OTULIN: variants seen among roughly 807,000 people sequenced by gnomAD.
The protein encoded by OTULIN is ubiquitin thioesterase otulin.
Under a neutral mutation model 39.6 loss-of-function variants are expected in OTULIN, and 15 were observed. The ratio of observed to expected loss-of-function variants is 0.38; its 90% CI spans 0.25 to 0.58. The LOEUF is 0.58. Among genes scored for constraint, OTULIN ranks in the 20% least tolerant of loss-of-function variants. The pLI is 0.66. For missense variants in OTULIN, 319 were observed against 445.9 expected (o/e 0.72, Z 2.56); for synonymous variants, 156 against 170.3 (o/e 0.92, Z 0.65).
chr5:14,664,879 C>A lies in OTULIN; in HGVS notation c.54C>A (p.Ala18=). The change falls in exon 1 of 7, where the codon GCC becomes GCA. Residue 18 remains alanine (A), a synonymous_variant. Transcript: ENST00000284274. ...AAGCGTGGCCAGGCGCGAGCTGCGCCGAGACGCCGGCGCGGGAGGCGGCGG... is the reference window on the plus strand; with the variant it reads ...AAGCGTGGCCAGGCGCGAGCTGCGCAGAGACGCCGGCGCGGGAGGCGGCGG... ...QPEAWPGASC[A]ETPAREAAAT... The A allele has an allele frequency of 8.4e-7, 1 of 1,194,062 alleles. No individual in the cohort carries two copies. The highest frequency in any genetic ancestry group is 1.0e-6 in the Non-Finnish European group (1 of 964,080). 74.0% of individuals were successfully genotyped at this position (1,194,062 alleles called of 1,614,324 possible).
rs759522203 is a variant in OTULIN, at chr5:14,670,300, C to T, written c.153-3342C>T. Among the ~76,000 whole-genome samples the T allele has an allele frequency of 9.2e-5, 14 of 152,324 alleles. No individual in the cohort carries two copies. The South Asian group carries it at 1.7e-3, about 18-fold the overall frequency. On this transcript the variant is annotated intron_variant, in intron 1 of 6. Coordinates refer to ENST00000284274, the MANE Select transcript of OTULIN (RefSeq NM_138348.6). ...TTATCTTCCCATCCCATAACAAAAA[C>T]GTAAACTTAACCTCTACCTGTTCCA...
the OTULIN span, chr5:14,713,573 G>A: frequency 3.7e-6 from 6 of 1,614,194 alleles, no homozygotes; most frequent in East Asian, 2.2e-5. The surrounding 1 kb of genome is among the most constrained non-coding windows in gnomAD (Gnocchi z 4.4). Flanking sequence ...CGAGGCTGGC[G>A]ATGAGGACGA....
intron 5 of OTULIN, among the ~76,000 whole-genome samples, chr5:14,689,705 C>T (rs1198169092): frequency 6.6e-6 from 1 of 152,202 alleles, no homozygotes; most frequent in Admixed American, 6.5e-5. Context: ...GCTTCACACA[C>T]AGGCTTCACA....
At position 14,693,038 on chromosome 5, in the gene OTULIN, C is replaced by T. The variant is rs758273255; in HGVS notation, c.1049C>T (p.Thr350Ile). The T allele has an allele frequency of 1.2e-6, 2 of 1,611,710 alleles. No individual in the cohort carries two copies. The highest frequency in any genetic ancestry group is 1.3e-5 in the African/African-American group (1 of 74,830). ...ATCCCCGTCAGAGTGTGTGAGGAGA[C>T]CAGTCTATGAGAGACGCATGCTCCT... The part of the protein sequence containing the change: ...YNIPVRVCEE[T>I]SL Residue 350 changes from threonine to isoleucine, a missense_variant, in exon 7 of 7, where the codon ACC (threonine) becomes ATC (isoleucine). Thr to Ile is a moderately conservative substitution (Grantham distance 89). Coordinates refer to ENST00000284274, the MANE Select transcript of OTULIN (RefSeq NM_138348.6).
chr5:14,676,900 T>A lies in OTULIN; in HGVS notation c.230-1781T>A, dbSNP rs182904900. ...AAAATATTTCTCGAATTAAAAAAAA[T>A]GAAGATTCTTTAAGGATTGGCTGTG... On this transcript the variant is annotated intron_variant, in intron 2 of 6. Transcript: ENST00000284274. 4.6e-5 allele frequency among the ~76,000 whole-genome samples: 7 copies of A among 152,184 alleles called. No homozygotes were observed. The East Asian group carries it at 1.4e-3, about 29-fold the overall frequency.
In OTULIN at chr5:14,696,212, C is replaced by G. The variant is rs1282434253; in HGVS notation, c.*3164C>G. The G allele has an allele frequency of 6.6e-6, 1 of 152,162 alleles. No homozygotes were observed. The highest frequency in any genetic ancestry group is 1.9e-4 in the East Asian group (1 of 5,194). 9.4% of individuals were successfully genotyped at this position (152,162 alleles called of 1,614,324 possible). ...TCTTTTAGAGAGAGGCTGTGAAGTGCTGAATCACCTTTAATGATACAGCAC... is the reference window on the plus strand; with the variant it reads ...TCTTTTAGAGAGAGGCTGTGAAGTGGTGAATCACCTTTAATGATACAGCAC... On this transcript the variant is annotated 3_prime_UTR_variant, in exon 7 of 7. Transcript: ENST00000284274.
chr5:14,677,584 A>G (rs138041521), intron 2 of OTULIN, among the ~76,000 whole-genome samples: 4 of 152,278 alleles, frequency 2.6e-5, no homozygotes, highest in East Asian at 1.9e-4. Context: ...ACCCCAAACC[A>G]TATATATTAA....
In OTULIN at chr5:14,690,026, T is replaced by C; in HGVS notation, c.595-13T>C. The C allele has an allele frequency of 2.5e-6, 4 of 1,604,444 alleles. No homozygotes were observed. Among genetic ancestry groups the C allele is most frequent in the Non-Finnish European group, 3.4e-6 (4 of 1,175,406 alleles). On this transcript the variant is annotated splice_polypyrimidine_tract_variant and intron_variant, in intron 5 of 6. Transcript: ENST00000284274. This position sits in a 1 kb window ranked among gnomAD's most constrained non-coding sequence, Gnocchi z 4.5. ...ACAAAAATTCTAATTATTACATAACTTTCTTATTGTAGTGGGCAGGCTTGG... is the reference window on the plus strand; with the variant it reads ...ACAAAAATTCTAATTATTACATAACCTTCTTATTGTAGTGGGCAGGCTTGG...
chr5:14,666,120 G>A (rs1413023307), intron 1 of OTULIN, among the ~76,000 whole-genome samples: 1 of 152,226 alleles, frequency 6.6e-6, no homozygotes, highest in African/African-American at 2.4e-5. Context: ...TACCCTGGTG[G>A]TGAGAACAGT....
rs984497835 is a variant in OTULIN at position 14,697,528 on chromosome 5, C to T, written c.*4480C>T. 5 of 151,886 alleles carry T rather than the reference C, an allele frequency of 3.3e-5. No individual in the cohort carries two copies. The highest frequency in any genetic ancestry group is 4.4e-5 in the Non-Finnish European group (3 of 67,986). The allele number at this position is 151,886 out of a possible 1,614,324, so 9.4% of individuals were successfully genotyped here. A position where few individuals can be genotyped will look rare whatever the true frequency, so the allele number is the denominator to read the frequency against. ...TATTGAAATCTACTACCAGGAATGT[C>T]GGAATGGGTTTTGGTATGTATAATG... On this transcript the variant is annotated 3_prime_UTR_variant, in exon 7 of 7. Coordinates refer to ENST00000284274, the MANE Select transcript of OTULIN (RefSeq NM_138348.6).
At chr5:14,674,779 A>C (rs754274682) in intron 2 of OTULIN, among the ~76,000 whole-genome samples, 1 of 152,154 alleles carries the variant, frequency 6.6e-6, no homozygotes, top group Non-Finnish European at 1.5e-5. Context: ...ATAAAAATAT[A>C]AACCTTATTT....
chr5:14,675,159 A>G (rs1736073520), intron 2 of OTULIN, among the ~76,000 whole-genome samples: 1 of 152,206 alleles, frequency 6.6e-6, no homozygotes, highest in African/African-American at 2.4e-5. Context: ...CTGTTCATAC[A>G]TGTTATAACA....
intron 1 of OTULIN, among the ~76,000 whole-genome samples, chr5:14,672,148 C>T (rs1021421265): frequency 3.3e-5 from 5 of 152,058 alleles, no homozygotes; most frequent in African/African-American, 9.7e-5. Context: ...AGTTGTGGGC[C>T]GTTCAGGAAG....
At position 14,691,465 on chromosome 5, in the gene OTULIN, G is replaced by A. The variant is rs1736524223; in HGVS notation, c.864+1157G>A. ...TTCAAAAATTACCTGTACTCATAAT[G>A]TGGGTTACTTACGTCTCCTGAACCA... On this transcript the variant is annotated intron_variant, in intron 6 of 6. Coordinates refer to ENST00000284274, the MANE Select transcript of OTULIN (RefSeq NM_138348.6). Among the ~76,000 whole-genome samples the A allele has an allele frequency of 2.0e-5, 3 of 152,192 alleles. No homozygotes were observed. In the South Asian group the frequency reaches 6.2e-4, roughly 32 times the overall value.
At chr5:14,675,761 A>G (rs867396099) in intron 2 of OTULIN, among the ~76,000 whole-genome samples, 2 of 152,140 alleles carry the variant, frequency 1.3e-5, no homozygotes, top group Non-Finnish European at 2.9e-5. Context: ...TTCTGGGTTC[A>G]TTGTCTTTCT....
At chr5:14,676,505 A>G (rs1736109439) in intron 2 of OTULIN, among the ~76,000 whole-genome samples, 1 of 152,204 alleles carries the variant, frequency 6.6e-6, no homozygotes, top group South Asian at 2.1e-4. Flanking sequence ...CCCAACCCTC[A>G]CTACGCTACG....
In OTULIN at chr5:14,687,689, C is replaced by T. The variant is rs112792162; in HGVS notation, c.594+43C>T. 1.2e-3 allele frequency: 1,883 copies of T among 1,535,064 alleles called. 22 individuals carry two copies. The African/African-American group carries it at 0.024, about 19-fold the overall frequency. The stretch of plus-strand genomic sequence containing the variant: ...TCCTGTCTGATAAGGGTGAAGCTCT[C>T]GTTCTTGCTTGCCCCAGAAGACCAG... On this transcript the variant is annotated intron_variant, in intron 5 of 6. Coordinates refer to ENST00000284274, the MANE Select transcript of OTULIN (RefSeq NM_138348.6).
chr5:14,704,159 G>A (rs10075094), downstream of OTULIN, among the ~76,000 whole-genome samples: 122 of 151,706 alleles, frequency 8.0e-4, no homozygotes, highest in African/African-American at 2.2e-3. Flanking sequence ...GTGAAACCCC[G>A]TCTCTACTAA....
the OTULIN span, chr5:14,712,877 C>T: frequency 1.2e-6 from 2 of 1,608,486 alleles, no homozygotes; most frequent in Non-Finnish European, 1.7e-6. Context: ...GTCTCACCTG[C>T]TTCCGGTAGA....
Sources: gnomAD v4.1 joint callset for allele counts (sites outside exome capture counted in the v4.1 genomes callset) on GRCh38, gnomAD v4.1.1 for gene constraint, Gnocchi (gnomAD v3.1) non-coding constraint, MANE v1.5 for transcripts, NCBI Gene and HGNC (gene_info 2026-07-23, HGNC 2026-07-21) for gene names.